IL17C: variants seen among roughly 807,000 people sequenced by gnomAD.
The protein encoded by IL17C is interleukin 17C.
IL17C carries 13 observed loss-of-function variants against 11.0 expected under a neutral mutation model. The observed-to-expected ratio is 1.18, with a 90% confidence interval of 0.77 to 1.88. The LOEUF (loss-of-function observed/expected upper bound fraction) is 1.88. Ranked by LOEUF, IL17C falls within the 40% of genes most tolerant of loss-of-function variation. The probability of loss-of-function intolerance (pLI) is 0.00; values close to 1 mark genes in which losing one functional copy is unlikely to be tolerated. For synonymous variants in IL17C, 150 were observed against 125.8 expected, an observed-to-expected ratio of 1.19 and a Z score of -1.29; for missense variants, 357 against 278.2, an observed-to-expected ratio of 1.28 and a Z score of -2.01.
In IL17C at chr16:88,638,935, C is replaced by T. The variant is rs11465491; in HGVS notation, c.7-46C>T. 419 of 1,489,340 alleles carry T rather than the reference C, an allele frequency of 2.8e-4. 2 individuals are homozygous for T. In the African/African-American group the frequency reaches 5.1e-3, roughly 18 times the overall value. 92.3% of individuals were successfully genotyped at this position (1,489,340 alleles called of 1,614,324 possible). ...AAAGCTGAGGTGGAAGTGAGGTGCC[C>T]CCTGCCCTGGGCACCTCCTAACCAC... On this transcript the variant is annotated intron_variant, in intron 1 of 2. Transcript: ENST00000244241.
At position 88,639,684 on chromosome 16, in the gene IL17C, C is replaced by G; in HGVS notation, c.336-130C>G. The stretch of plus-strand genomic sequence containing the variant: ...ACCACATGTGAGCCCGACTGCACCC[C>G]AAGCCCGTGTGGCTCAGCCCTCGCT... On this transcript the variant is annotated intron_variant, in intron 2 of 2. Transcript: ENST00000244241. The surrounding 1 kb of genome is among the most constrained non-coding windows in gnomAD (Gnocchi z 5.1). The G allele has an allele frequency of 8.6e-7, 1 of 1,167,064 alleles. No individual in the cohort carries two copies. Among genetic ancestry groups the G allele is most frequent in the African/African-American group, 1.5e-5 (1 of 64,542 alleles). 72.3% of individuals were successfully genotyped at this position (1,167,064 alleles called of 1,614,324 possible). A position where few individuals can be genotyped will look rare whatever the true frequency, so the allele number is the denominator to read the frequency against.
At chr16:88,638,778 A>C in intron 1 of IL17C, 131 bp downstream of exon 1, 1 of 1,411,490 alleles carries the variant, frequency 7.1e-7, no homozygotes, top group East Asian at 2.3e-5. Context: ...GTCTGGGGGT[A>C]GGGGAGGCAG....
rs369203667 is a variant in IL17C at position 88,639,136 on chromosome 16, A to T, written c.162A>T (p.Arg54=). ...AGGCCCCCCCACACCTGCTGGCTCG[A>T]GGTGCCAAGTGGGGGCAGGCTTTGC... ...LGQAPPHLLA[R]GAKWGQALPV... The change falls in exon 2 of 3, where the codon CGA becomes CGT. Residue 54 remains arginine (R), a synonymous_variant. Coordinates refer to ENST00000244241, the MANE Select transcript of IL17C (RefSeq NM_013278.4). This position sits in a 1 kb window ranked among gnomAD's most constrained non-coding sequence, Gnocchi z 5.1. 1.2e-6 allele frequency: 2 copies of T among 1,612,836 alleles called. No individual in the cohort carries two copies. The highest frequency in any genetic ancestry group is 2.7e-5 in the African/African-American group (2 of 74,904).
Position 88,639,052 on chromosome 16 carries a change from G to A in IL17C, c.78G>A (p.Gly26=), listed in dbSNP as rs758942386. ...CLAHHDPSLR[G]HPHSHGTPHC... ...CCCACCATGACCCCTCCCTCAGGGGGCACCCCCACAGTCACGGTACCCCAC... is the reference window on the plus strand; with the variant it reads ...CCCACCATGACCCCTCCCTCAGGGGACACCCCCACAGTCACGGTACCCCAC... The change falls in exon 2 of 3, where the codon GGG becomes GGA. Residue 26 remains glycine (G), a synonymous_variant. Transcript: ENST00000244241. The surrounding 1 kb of genome is among the most constrained non-coding windows in gnomAD (Gnocchi z 5.1). 2 of 1,610,234 alleles carry A rather than the reference G, an allele frequency of 1.2e-6. No homozygotes were observed.
At chr16:88,638,714 G>A in intron 1 of IL17C, 67 bp downstream of exon 1, 2 of 1,610,590 alleles carry the variant, frequency 1.2e-6, no homozygotes, top group Non-Finnish European at 1.7e-6. Context: ...GGAAGGGCTG[G>A]GGTTCTCTGA....
At position 88,639,331 on chromosome 16, in the gene IL17C, T is replaced by C; in HGVS notation, c.335+22T>C. ...ACCGGTGAGGACCTGGGGATTCCGC[T>C]GTGGCGTGGGGCTGCCCCTCCCCTG... On this transcript the variant is annotated intron_variant, in intron 2 of 2. Coordinates refer to ENST00000244241, the MANE Select transcript of IL17C (RefSeq NM_013278.4). The surrounding 1 kb of genome is among the most constrained non-coding windows in gnomAD (Gnocchi z 5.1). The C allele has an allele frequency of 1.3e-6, 2 of 1,544,838 alleles. No individual in the cohort carries two copies. The highest frequency in any genetic ancestry group is 1.2e-5 in the South Asian group (1 of 81,846).
In IL17C at chr16:88,639,695, G is replaced by A. The variant is rs578034482; in HGVS notation, c.336-119G>A. The stretch of plus-strand genomic sequence containing the variant: ...GCCCGACTGCACCCCAAGCCCGTGT[G>A]GCTCAGCCCTCGCTGCCTCAGGTCC... On this transcript the variant is annotated intron_variant, in intron 2 of 2. Transcript: ENST00000244241. The surrounding 1 kb of genome is among the most constrained non-coding windows in gnomAD (Gnocchi z 5.1). 2.2e-5 allele frequency: 28 copies of A among 1,250,426 alleles called. No homozygotes were observed. Among genetic ancestry groups the A allele is most frequent in the Non-Finnish European group, 2.9e-5 (27 of 933,652 alleles). The allele number at this position is 1,250,426 out of a possible 1,614,324, so 77.5% of individuals were successfully genotyped here.
In IL17C at chr16:88,639,087, C is replaced by A; in HGVS notation, c.113C>A (p.Ser38Ter). 1 of 1,613,240 alleles carries A rather than the reference C, an allele frequency of 6.2e-7. No individual in the cohort carries two copies. The highest frequency in any genetic ancestry group is 8.5e-7 in the Non-Finnish European group (1 of 1,179,904). Residue 38 changes from serine (S) to a stop codon, truncating the protein, a stop_gained, in exon 2 of 3, where the codon TCG (serine) becomes TAG (stop). Transcript: ENST00000244241. LOFTEE classifies it high-confidence loss of function. The surrounding 1 kb of genome is among the most constrained non-coding windows in gnomAD (Gnocchi z 5.1). ...PHSHGTPHCY[S>*]AEELPLGQAP... Reference sequence around the variant, plus strand: ...AGTCACGGTACCCCACACTGCTACTCGGCTGAGGAACTGCCCCTCGGCCAG... The same window carrying A: ...AGTCACGGTACCCCACACTGCTACTAGGCTGAGGAACTGCCCCTCGGCCAG...
rs1363417497 is a variant in IL17C at position 88,639,224 on chromosome 16, G to C, written c.250G>C (p.Ala84Pro). The C allele has an allele frequency of 6.2e-7, 1 of 1,612,676 alleles. No individual in the cohort carries two copies. The highest frequency in any genetic ancestry group is 1.1e-5 in the South Asian group (1 of 91,078). Residue 84 changes from alanine to proline, a missense_variant, in exon 2 of 3, where the codon GCT (alanine) becomes CCT (proline). By Grantham distance (27) the Ala-to-Pro change is conservative (BLOSUM62 -1). Transcript: ENST00000244241. The surrounding 1 kb of genome is among the most constrained non-coding windows in gnomAD (Gnocchi z 5.1). ...SHRGRHERPS[A>P]TTQCPVLRPE... ...CAGGGGGAGGCACGAGAGGCCCTCA[G>C]CTACGACCCAGTGCCCGGTGCTGCG...
chr16:88,638,658 C>G lies in IL17C; in HGVS notation c.6+11C>G, dbSNP rs560916835. ...GCCGCCACCATGACGGTGAGCCTCTCCACATGCCGCTCGGATGGATGCTGC... is the reference window on the plus strand; with the variant it reads ...GCCGCCACCATGACGGTGAGCCTCTGCACATGCCGCTCGGATGGATGCTGC... On this transcript the variant is annotated intron_variant, in intron 1 of 2. Coordinates refer to ENST00000244241, the MANE Select transcript of IL17C (RefSeq NM_013278.4). The G allele has an allele frequency of 4.2e-5, 67 of 1,613,046 alleles. 2 individuals carry two copies. In the South Asian group the frequency reaches 7.2e-4, roughly 17 times the overall value.
Position 88,639,495 on chromosome 16 carries a change from G to A in IL17C, c.335+186G>A, listed in dbSNP as rs1320858529. On this transcript the variant is annotated intron_variant, in intron 2 of 2. Coordinates refer to ENST00000244241, the MANE Select transcript of IL17C (RefSeq NM_013278.4). This position sits in a 1 kb window ranked among gnomAD's most constrained non-coding sequence, Gnocchi z 5.1. ...TGCTGCTTGCGGCTGGCCGTGCCCT[G>A]CCTCCCACTGTCCTAGGTGGCCAGG... 6.6e-6 allele frequency among the ~76,000 whole-genome samples: 1 copy of A among 152,152 alleles called. No homozygotes were observed. Among genetic ancestry groups the A allele is most frequent in the Non-Finnish European group, 1.5e-5 (1 of 68,002 alleles).
In IL17C at chr16:88,639,674, G is replaced by A. The variant is rs753038716; in HGVS notation, c.336-140G>A. On this transcript the variant is annotated intron_variant, in intron 2 of 2. Coordinates refer to ENST00000244241, the MANE Select transcript of IL17C (RefSeq NM_013278.4). The surrounding 1 kb of genome is among the most constrained non-coding windows in gnomAD (Gnocchi z 5.1). ...GTGGATTACCACCACATGTGAGCCC[G>A]ACTGCACCCCAAGCCCGTGTGGCTC... The A allele has an allele frequency of 5.5e-5, 58 of 1,048,562 alleles. No individual in the cohort carries two copies. Among genetic ancestry groups the A allele is most frequent in the Middle Eastern group, 3.2e-4 (1 of 3,170 alleles). The allele number at this position is 1,048,562 out of a possible 1,614,324, so 65.0% of individuals were successfully genotyped here.
At position 88,638,653 on chromosome 16, in the gene IL17C, C is replaced by T. The variant is rs756677880; in HGVS notation, c.6+6C>T. Reference sequence around the variant, plus strand: ...CCGCTGCCGCCACCATGACGGTGAGCCTCTCCACATGCCGCTCGGATGGAT... The same window carrying T: ...CCGCTGCCGCCACCATGACGGTGAGTCTCTCCACATGCCGCTCGGATGGAT... On this transcript the variant is annotated splice_donor_region_variant and intron_variant, in intron 1 of 2. Coordinates refer to ENST00000244241, the MANE Select transcript of IL17C (RefSeq NM_013278.4). 6.2e-7 allele frequency: 1 copy of T among 1,612,994 alleles called. No individual in the cohort carries two copies. The highest frequency in any genetic ancestry group is 8.5e-7 in the Non-Finnish European group (1 of 1,180,022).
rs767496816 is a variant in IL17C, at chr16:88,639,345, G to A, written c.335+36G>A. On this transcript the variant is annotated intron_variant, in intron 2 of 2. Coordinates refer to ENST00000244241, the MANE Select transcript of IL17C (RefSeq NM_013278.4). The surrounding 1 kb of genome is among the most constrained non-coding windows in gnomAD (Gnocchi z 5.1). Reference sequence around the variant, plus strand: ...GGGGATTCCGCTGTGGCGTGGGGCTGCCCCTCCCCTGGCGGGGCCCTGACT... The same window carrying A: ...GGGGATTCCGCTGTGGCGTGGGGCTACCCCTCCCCTGGCGGGGCCCTGACT... 4.0e-6 allele frequency: 6 copies of A among 1,506,478 alleles called. No homozygotes were observed. Among genetic ancestry groups the A allele is most frequent in the Non-Finnish European group, 5.3e-6 (6 of 1,126,616 alleles). 93.3% of individuals were successfully genotyped at this position (1,506,478 alleles called of 1,614,324 possible). A position where few individuals can be genotyped will look rare whatever the true frequency, so the allele number is the denominator to read the frequency against.
intron 1 of IL17C, 76 bp from the exon 2 acceptor site, chr16:88,638,905 C>T: frequency 7.4e-7 from 1 of 1,357,036 alleles, no homozygotes; most frequent in East Asian, 2.3e-5. Context: ...CCGCTGGGAA[C>T]AAGGAAAGCT....
chr16:88,639,787 A>T lies in IL17C; in HGVS notation c.336-27A>T, dbSNP rs1907003099. The T allele has an allele frequency of 1.3e-6, 2 of 1,512,880 alleles. No homozygotes were observed. The highest frequency in any genetic ancestry group is 1.4e-5 in the African/African-American group (1 of 72,946). The allele number at this position is 1,512,880 out of a possible 1,614,324, so 93.7% of individuals were successfully genotyped here. On this transcript the variant is annotated intron_variant, in intron 2 of 2. Transcript: ENST00000244241. The surrounding 1 kb of genome is among the most constrained non-coding windows in gnomAD (Gnocchi z 5.1). ...CTCCAGGAGGACAGGGTAGGGCCAG[A>T]GACTCACTGTGCACCCCGTCCCGCA...
rs1018754636 is a variant in IL17C, at chr16:88,639,706, C to G, written c.336-108C>G. 3.0e-6 allele frequency: 4 copies of G among 1,337,018 alleles called. No individual in the cohort carries two copies. Among genetic ancestry groups the G allele is most frequent in the Non-Finnish European group, 4.0e-6 (4 of 1,011,702 alleles). 82.8% of individuals were successfully genotyped at this position (1,337,018 alleles called of 1,614,324 possible). On this transcript the variant is annotated intron_variant, in intron 2 of 2. Coordinates refer to ENST00000244241, the MANE Select transcript of IL17C (RefSeq NM_013278.4). This position sits in a 1 kb window ranked among gnomAD's most constrained non-coding sequence, Gnocchi z 5.1. ...CCCCAAGCCCGTGTGGCTCAGCCCT[C>G]GCTGCCTCAGGTCCTATCCTGAGTA...
At position 88,639,087 on chromosome 16, in the gene IL17C, C is replaced by T. The variant is rs533293422; in HGVS notation, c.113C>T (p.Ser38Leu). 1.6e-5 allele frequency: 26 copies of T among 1,613,240 alleles called. No individual in the cohort carries two copies. The highest frequency in any genetic ancestry group is 1.1e-4 in the East Asian group (5 of 44,876). Residue 38 changes from serine to leucine, a missense_variant, in exon 2 of 3, where the codon TCG becomes TTG. By Grantham distance (145) the Ser-to-Leu change is moderately radical. Coordinates refer to ENST00000244241, the MANE Select transcript of IL17C (RefSeq NM_013278.4). The surrounding 1 kb of genome is among the most constrained non-coding windows in gnomAD (Gnocchi z 5.1). ...AGTCACGGTACCCCACACTGCTACT[C>T]GGCTGAGGAACTGCCCCTCGGCCAG... ...PHSHGTPHCY[S>L]AEELPLGQAP...
At position 88,639,277 on chromosome 16, in the gene IL17C, C is replaced by T. The variant is rs759856967; in HGVS notation, c.303C>T (p.Thr101=). The stretch of plus-strand genomic sequence containing the variant: ...CGGAGGAGGTGTTGGAGGCAGACAC[C>T]CACCAGCGCTCCATCTCACCCTGGA... The part of the protein sequence containing the change: ...LRPEEVLEAD[T]HQRSISPWRY... Residue 101 remains threonine (T), a synonymous_variant, in exon 2 of 3, where the codon ACC becomes ACT. Transcript: ENST00000244241. This position sits in a 1 kb window ranked among gnomAD's most constrained non-coding sequence, Gnocchi z 5.1. 1 of 1,609,346 alleles carries T rather than the reference C, an allele frequency of 6.2e-7. No homozygotes were observed. Among genetic ancestry groups the T allele is most frequent in the South Asian group, 1.1e-5 (1 of 90,696 alleles).
Sources: allele counts gnomAD v4.1 joint callset (sites outside exome capture counted in the v4.1 genomes callset), GRCh38; gene constraint gnomAD v4.1.1; non-coding constraint Gnocchi (gnomAD v3.1); transcripts MANE v1.5; gene names NCBI Gene and HGNC (gene_info 2026-07-23, HGNC 2026-07-21).